Variants in DTNA observed in about 807,000 individuals in gnomAD.
DTNA encodes the protein dystrophin-related protein 3.
In DTNA, 43 loss-of-function variants were observed where a neutral mutation model predicts 100.7. The ratio of observed to expected loss-of-function variants is 0.43; its 90% CI spans 0.33 to 0.55. The LOEUF (loss-of-function observed/expected upper bound fraction) is 0.55, where lower values mean the gene tolerates loss of function less well. DTNA is among the 20% of genes least tolerant of loss of function. The pLI is 0.04. For missense variants in DTNA, 798 were observed against 953.9 expected (o/e 0.84, Z 2.15); for synonymous variants, 349 against 347.9 (o/e 1.00, Z -0.04).
At chr18:34,728,973 G>T (rs1226051429) in intron 1 of DTNA, among the ~76,000 whole-genome samples, 1 of 152,074 alleles carries the variant, frequency 6.6e-6, no homozygotes, top group Non-Finnish European at 1.5e-5. Context: ...GACACCCGGG[G>T]TCCCTTCAGT....
At chr18:34,717,703 A>G (rs2084336332) in intron 1 of DTNA, among the ~76,000 whole-genome samples, 1 of 152,176 alleles carries the variant, frequency 6.6e-6, no homozygotes, top group South Asian at 2.1e-4. Context: ...CAGAGCAGAT[A>G]TTACAGAGGA....
intron 3 of DTNA, among the ~76,000 whole-genome samples, chr18:34,770,781 A>AT (rs1373652918): frequency 1.0e-4 from 7 of 69,894 alleles, no homozygotes; most frequent in African/African-American, 2.6e-4. Flanking sequence ...GAAGAATTAT[A>AT]TTCTTTTTTT....
intron 1 of DTNA, among the ~76,000 whole-genome samples, chr18:34,601,873 G>A (rs551062051): frequency 5.2e-4 from 79 of 152,304 alleles, no homozygotes; most frequent in Non-Finnish European, 8.7e-4. Flanking sequence ...AGGAGACTCC[G>A]TTGGGGCAAT....
At chr18:34,851,350 C>T (rs975591621) in intron 14 of DTNA, among the ~76,000 whole-genome samples, 31 of 152,330 alleles carry the variant, frequency 2.0e-4, no homozygotes, top group African/African-American at 7.5e-4. Flanking sequence ...GATCCGCCCG[C>T]CTCAGCCTCC....
intron 9 of DTNA, among the ~76,000 whole-genome samples, chr18:34,823,459 A>C (rs1218189940): frequency 6.6e-6 from 1 of 152,020 alleles, no homozygotes; most frequent in Admixed American, 6.6e-5. Flanking sequence ...ACACACCAAT[A>C]CTCCCACCTC....
At chr18:34,852,175 C>T (rs1422520202) in intron 15 of DTNA, among the ~76,000 whole-genome samples, 3 of 152,130 alleles carry the variant, frequency 2.0e-5, no homozygotes, top group Non-Finnish European at 2.9e-5. Flanking sequence ...AATGTTGCCC[C>T]TCTAGACGGT....
chr18:34,517,641 A>C (rs2041779260), intron 1 of DTNA, among the ~76,000 whole-genome samples: 1 of 152,014 alleles, frequency 6.6e-6, no homozygotes, highest in Non-Finnish European at 1.5e-5. Flanking sequence ...GACAACCTGT[A>C]ATCTCTTCAT....
Position 34,705,066 on chromosome 18 carries a change from A to G in DTNA, c.-1-50910A>G, listed in dbSNP as rs185738312. 1.4e-4 allele frequency among the ~76,000 whole-genome samples: 21 copies of G among 152,262 alleles called. 1 individual carries two copies. The highest frequency in any genetic ancestry group is 2.6e-4 in the Admixed American group (4 of 15,290). ...GATTTTCTTCTACCCCAACGTACTA[A>G]AAGGCCATAAAAGAACTCAGAGGCC... On this transcript the variant is annotated intron_variant, in intron 1 of 19. Coordinates refer to the DTNA transcript ENST00000283365.
chr18:34,617,275 A>G (rs2055497429), intron 1 of DTNA, among the ~76,000 whole-genome samples: 1 of 152,134 alleles, frequency 6.6e-6, no homozygotes, highest in African/African-American at 2.4e-5. Flanking sequence ...GATGGCTCTT[A>G]CTATTTTAAG....
intron 1 of DTNA, among the ~76,000 whole-genome samples, chr18:34,737,281 A>G (rs1440107483): frequency 6.6e-6 from 1 of 152,204 alleles, no homozygotes; most frequent in Non-Finnish European, 1.5e-5. Flanking sequence ...CACAAACAAC[A>G]TATAGTTTAA....
At chr18:34,768,004 C>G (rs997784953) in intron 3 of DTNA, among the ~76,000 whole-genome samples, 3 of 152,132 alleles carry the variant, frequency 2.0e-5, no homozygotes, top group African/African-American at 7.2e-5. Flanking sequence ...CCACTGCTTG[C>G]GATAGGGGCC....
chr18:34,703,373 G>A (rs1223415626), intron 1 of DTNA, among the ~76,000 whole-genome samples: 4 of 152,138 alleles, frequency 2.6e-5, no homozygotes, highest in Non-Finnish European at 4.4e-5. Context: ...TGGCAAAAAC[G>A]TACTATGGTA....
intron 1 of DTNA, among the ~76,000 whole-genome samples, chr18:34,743,473 G>T (rs147432210): frequency 1.6e-3 from 241 of 152,194 alleles, no homozygotes; most frequent in African/African-American, 5.5e-3. Flanking sequence ...ACCACAGAAA[G>T]AATTTAAGTG....
At chr18:34,508,496 T>C (rs558848734) in intron 1 of DTNA, among the ~76,000 whole-genome samples, 24 of 152,290 alleles carry the variant, frequency 1.6e-4, no homozygotes, top group African/African-American at 5.5e-4. Flanking sequence ...AGATATTTTA[T>C]AACTGAGATA....
chr18:34,819,415 T>C (rs890140804), intron 8 of DTNA, among the ~76,000 whole-genome samples: 2 of 152,220 alleles, frequency 1.3e-5, no homozygotes, highest in Non-Finnish European at 2.9e-5. Flanking sequence ...CTCCTCACTG[T>C]TGTTTATGTC....
intron 1 of DTNA, among the ~76,000 whole-genome samples, chr18:34,700,982 T>C (rs2081287142): frequency 6.6e-6 from 1 of 152,196 alleles, no homozygotes; most frequent in Non-Finnish European, 1.5e-5. Context: ...ATACACTCTG[T>C]ATCCTATCTC....
intron 1 of DTNA, among the ~76,000 whole-genome samples, chr18:34,657,751 A>G (rs1406298389): frequency 6.6e-6 from 1 of 152,180 alleles, no homozygotes; most frequent in African/African-American, 2.4e-5. Context: ...TTGAGGGATG[A>G]AATTAGGTTA....
chr18:34,703,091 T>A (rs2081605752), intron 1 of DTNA, among the ~76,000 whole-genome samples: 1 of 152,202 alleles, frequency 6.6e-6, no homozygotes, highest in African/African-American at 2.4e-5. Context: ...GCTACAGGTA[T>A]AACAGTATGG....
intron 1 of DTNA, among the ~76,000 whole-genome samples, chr18:34,563,131 G>C (rs1486251076): frequency 6.6e-6 from 1 of 152,130 alleles, no homozygotes; most frequent in Non-Finnish European, 1.5e-5. Context: ...CTAGAAAGAG[G>C]GTTTTTGCAG....
Sources: allele counts gnomAD v4.1 joint callset (sites outside exome capture counted in the v4.1 genomes callset), GRCh38; gene constraint gnomAD v4.1.1; transcripts MANE v1.5; gene names NCBI Gene and HGNC (gene_info 2026-07-23, HGNC 2026-07-21).